CBFB: variants seen among roughly 807,000 people sequenced by gnomAD.
The protein encoded by CBFB is core-binding factor subunit beta, also known as CBF-beta.
CBFB carries 9 observed loss-of-function variants against 30.4 expected under a neutral mutation model. The ratio of observed to expected loss-of-function variants is 0.30; its 90% CI spans 0.18 to 0.52. The LOEUF (loss-of-function observed/expected upper bound fraction) is 0.52, where lower values mean the gene tolerates loss of function less well. CBFB is among the 20% of genes least tolerant of loss of function. The pLI is 0.97. For synonymous variants in CBFB, 94 were observed against 84.0 expected (o/e 1.12, Z -0.65); for missense variants, 170 against 244.0 (o/e 0.70, Z 2.02).
intron 2 of CBFB, among the ~76,000 whole-genome samples, chr16:67,033,425 C>T (rs1480509904): frequency 6.6e-6 from 1 of 151,988 alleles, no homozygotes; most frequent in African/African-American, 2.4e-5. Flanking sequence ...CTGCAACCTC[C>T]ACCTCCTGCT....
intron 3 of CBFB, among the ~76,000 whole-genome samples, chr16:67,064,960 C>CT (rs753852102): frequency 4.6e-5 from 7 of 152,142 alleles, no homozygotes; most frequent in Non-Finnish European, 8.8e-5. Context: ...TGCAGTGGCA[C>CT]TATCTCGGCT....
rs71145959 is a variant in CBFB at position 67,095,210 on chromosome 16, CAAAAAAAA to C, written c.496-3481_496-3474del. 6.6e-4 allele frequency among the ~76,000 whole-genome samples: 18 copies of C among 27,094 alleles called. 1 individual carries two copies. Among genetic ancestry groups the C allele is most frequent in the African/African-American group, 1.9e-3 (16 of 8,370 alleles). 17.8% of individuals were successfully genotyped at this position (27,094 alleles called of 152,430 possible). ...AGGCAACAAGAGCAAAAGTGTGTCTCAAAAAAAAAAAAAAAAAAAAAAAAAAGGCTGGG... is the reference window on the plus strand; with the variant it reads ...AGGCAACAAGAGCAAAAGTGTGTCTCAAAAAAAAAAAAAAAAAAGGCTGGG... On this transcript the variant is annotated intron_variant, in intron 5 of 5. Coordinates refer to ENST00000412916, the MANE Select transcript of CBFB (RefSeq NM_022845.3).
intron 3 of CBFB, among the ~76,000 whole-genome samples, chr16:67,038,109 G>C (rs1966471352): frequency 6.6e-6 from 1 of 151,894 alleles, no homozygotes; most frequent in African/African-American, 2.4e-5. Context: ...TTTGGATCCA[G>C]TTTCATACTT....
chr16:67,082,138 A>C (rs1217705542), intron 4 of CBFB, 75 bp from the exon 5 acceptor site: 6 of 1,286,336 alleles, frequency 4.7e-6, no homozygotes, highest in Non-Finnish European at 6.2e-6. Flanking sequence ...GGAAAAAAAA[A>C]AAAAAAACAA....
At chr16:67,092,285 T>A (rs1007606574) in intron 5 of CBFB, among the ~76,000 whole-genome samples, 3 of 152,194 alleles carry the variant, frequency 2.0e-5, no homozygotes, top group Non-Finnish European at 4.4e-5. Flanking sequence ...GGCTGCTTTT[T>A]AACCTTTTTA....
chr16:67,046,050 C>T (rs1966621911), intron 3 of CBFB, among the ~76,000 whole-genome samples: 1 of 152,016 alleles, frequency 6.6e-6, no homozygotes, highest in South Asian at 2.1e-4. Flanking sequence ...CCTGTCTTGG[C>T]CTCCCAAAGT....
At chr16:67,051,472 A>G (rs1487524405) in intron 3 of CBFB, among the ~76,000 whole-genome samples, 1 of 151,930 alleles carries the variant, frequency 6.6e-6, no homozygotes, top group Non-Finnish European at 1.5e-5. Context: ...AATGTAATAT[A>G]TTGCTATATA....
chr16:67,035,812 G>A (rs1222280002), intron 2 of CBFB, among the ~76,000 whole-genome samples: 1 of 152,112 alleles, frequency 6.6e-6, no homozygotes, highest in East Asian at 1.9e-4. Context: ...TTTCAAAAAT[G>A]CTTTTACTTC....
intron 4 of CBFB, among the ~76,000 whole-genome samples, chr16:67,073,380 A>G (rs1173039663): frequency 6.6e-6 from 1 of 152,194 alleles, no homozygotes; most frequent in African/African-American, 2.4e-5. Flanking sequence ...TGCCAAGTTC[A>G]GTTACTTCAG....
intron 4 of CBFB, 195 bp downstream of exon 4, chr16:67,066,993 A>C (rs1230088583): frequency 4.8e-6 from 2 of 417,684 alleles, no homozygotes; most frequent in East Asian, 8.2e-5. Flanking sequence ...CAGCAGTTCT[A>C]AATTTCATGG....
At chr16:67,041,246 T>C (rs1966525451) in intron 3 of CBFB, among the ~76,000 whole-genome samples, 1 of 152,172 alleles carries the variant, frequency 6.6e-6, no homozygotes, top group African/African-American at 2.4e-5. Context: ...CTCAGGCTTT[T>C]GAGCAGATGA....
intron 3 of CBFB, among the ~76,000 whole-genome samples, chr16:67,049,625 G>T (rs1243415106): frequency 6.6e-6 from 1 of 152,016 alleles, no homozygotes; most frequent in African/African-American, 2.4e-5. Context: ...GGGACTGTAG[G>T]CACATGCCAC....
chr16:67,082,515 C>T (rs770706868), intron 5 of CBFB, among the ~76,000 whole-genome samples: 22 of 152,172 alleles, frequency 1.4e-4, no homozygotes, highest in Non-Finnish European at 5.9e-5. Context: ...ATCAATTCCT[C>T]ATTCATTGGT....
chr16:67,033,240 C>T lies in CBFB; in HGVS notation c.166-3399C>T, dbSNP rs115890512. ...TGATCATCTCTCTTTAACTATAAAA[C>T]TCAATCAGCCTCCTTATTTTATGCC... On this transcript the variant is annotated intron_variant, in intron 2 of 5. Coordinates refer to ENST00000412916, the MANE Select transcript of CBFB (RefSeq NM_022845.3). Among the ~76,000 whole-genome samples, 933 of 152,354 alleles carry T rather than the reference C, an allele frequency of 6.1e-3. 12 individuals are homozygous for T. The highest frequency in any genetic ancestry group is 0.021 in the African/African-American group (857 of 41,570).
intron 4 of CBFB, among the ~76,000 whole-genome samples, chr16:67,078,679 G>A (rs925219195): frequency 2.0e-5 from 3 of 151,976 alleles, no homozygotes; most frequent in Non-Finnish European, 2.9e-5. Flanking sequence ...ATGGAGTTTC[G>A]CTCTTGTTGC....
At chr16:67,039,939 T>C (rs1041109187) in intron 3 of CBFB, among the ~76,000 whole-genome samples, 2 of 152,338 alleles carry the variant, frequency 1.3e-5, no homozygotes, top group Admixed American at 6.5e-5. Context: ...GCATAGGTCA[T>C]GTATTTCTCA....
intron 4 of CBFB, 54 bp downstream of exon 4, chr16:67,066,852 C>G: frequency 9.6e-7 from 1 of 1,045,504 alleles, no homozygotes; most frequent in South Asian, 1.3e-5. Context: ...CTAATCTTGC[C>G]TTTGCCTGGG....
At chr16:67,079,545 A>T (rs1961498992) in intron 4 of CBFB, among the ~76,000 whole-genome samples, 1 of 82,802 alleles carries the variant, frequency 1.2e-5, no homozygotes, top group African/African-American at 4.5e-5. Context: ...TTTTGACCCC[A>T]ACGTGATATG....
intron 4 of CBFB, among the ~76,000 whole-genome samples, chr16:67,067,212 TA>T (rs773186476): frequency 0.016 from 2,134 of 129,986 alleles, 29 homozygotes; most frequent in African/African-American, 0.041. Flanking sequence ...AAAAATTGTT[TA>T]AAAAAAAAAA....
Sources: gnomAD v4.1 joint callset for allele counts (sites outside exome capture counted in the v4.1 genomes callset) on GRCh38, gnomAD v4.1.1 for gene constraint, MANE v1.5 for transcripts, NCBI Gene and HGNC (gene_info 2026-07-23, HGNC 2026-07-21) for gene names.